TCF20: variants seen among roughly 807,000 people sequenced by gnomAD.
TCF20 encodes the protein SPRE-binding protein.
A neutral mutation model predicts 148.6 loss-of-function variants in TCF20; 3 were observed. That is an observed-to-expected ratio of 0.02 (90% CI 0.01 to 0.05). The LOEUF (loss-of-function observed/expected upper bound fraction) is 0.05, where lower values mean the gene tolerates loss of function less well. Ranked by LOEUF, TCF20 falls within the 10% of genes least tolerant of loss-of-function variation. The pLI is 1.00. For synonymous variants in TCF20, 1,049 were observed against 909.5 expected (o/e 1.15, Z -2.76); for missense variants, 2,350 against 2,429.3 (o/e 0.97, Z 0.69).
intron 1 of TCF20, among the ~76,000 whole-genome samples, chr22:42,249,934 A>G (rs939064760): frequency 2.6e-5 from 4 of 151,984 alleles, no homozygotes; most frequent in Non-Finnish European, 4.4e-5. Context: ...CACAACACTG[A>G]CTTCATGTGT....
At chr22:42,216,517 C>CT (rs1345346351) in intron 1 of TCF20, among the ~76,000 whole-genome samples, 5 of 152,190 alleles carry the variant, frequency 3.3e-5, no homozygotes, top group African/African-American at 1.2e-4. Flanking sequence ...CAGCACCCCT[C>CT]TCTCCACCAC....
At position 42,233,079 on chromosome 22, in the gene TCF20, C is replaced by T. The variant is rs76109644; in HGVS notation, c.-36-17738G>A. Among the ~76,000 whole-genome samples the T allele has an allele frequency of 8.5e-5, 13 of 152,122 alleles. No individual in the cohort carries two copies. The East Asian group carries it at 2.5e-3, about 29-fold the overall frequency. ...GAGATTACAGGCTTGTGCCACAATA[C>T]CCGGCTAATTTTTGTATTTTTAGTA... is the stretch of plus-strand genomic sequence containing the variant. On this transcript the variant is annotated intron_variant, in intron 1 of 5. Transcript: ENST00000677622.
chr22:42,263,322 G>A (rs537187435), intron 1 of TCF20, among the ~76,000 whole-genome samples: 2 of 152,086 alleles, frequency 1.3e-5, no homozygotes, highest in Non-Finnish European at 2.9e-5. Flanking sequence ...TCAGGGAAAC[G>A]CCCAGAGAAG....
intron 2 of TCF20, among the ~76,000 whole-genome samples, chr22:42,189,938 C>T (rs1228171163): frequency 2.6e-5 from 4 of 152,128 alleles, no homozygotes; most frequent in Non-Finnish European, 5.9e-5. Flanking sequence ...AGGAAGTTCT[C>T]GGAGTTTTTC....
At chr22:42,247,080 G>C (rs779573227) in intron 1 of TCF20, among the ~76,000 whole-genome samples, 20 of 151,950 alleles carry the variant, frequency 1.3e-4, no homozygotes, top group Admixed American at 1.3e-3. Flanking sequence ...ATCCAGTTAA[G>C]GGAATGTTAG....
At chr22:42,191,619 C>T (rs1937340103) in intron 2 of TCF20, among the ~76,000 whole-genome samples, 1 of 152,196 alleles carries the variant, frequency 6.6e-6, no homozygotes, top group Non-Finnish European at 1.5e-5. Flanking sequence ...GTTATATATA[C>T]TCCATTAAAA....
At chr22:42,330,039 A>T (rs1322021510) in intron 1 of TCF20, among the ~76,000 whole-genome samples, 2 of 152,154 alleles carry the variant, frequency 1.3e-5, no homozygotes, top group Non-Finnish European at 2.9e-5. Flanking sequence ...CCATCAGGCA[A>T]GAGCTTAAGG....
At chr22:42,190,890 G>C (rs1331498716) in intron 2 of TCF20, among the ~76,000 whole-genome samples, 2 of 152,208 alleles carry the variant, frequency 1.3e-5, no homozygotes, top group Non-Finnish European at 2.9e-5. Context: ...CACATGGTAT[G>C]AACTTCAACT....
chr22:42,295,335 G>A (rs1030129092), intron 1 of TCF20, among the ~76,000 whole-genome samples: 4 of 151,926 alleles, frequency 2.6e-5, no homozygotes, highest in East Asian at 1.9e-4. Flanking sequence ...ACTCCCCACC[G>A]CTGGGCTGCC....
intron 1 of TCF20, among the ~76,000 whole-genome samples, chr22:42,219,774 T>C (rs921454893): frequency 3.9e-5 from 6 of 152,094 alleles, no homozygotes; most frequent in Non-Finnish European, 8.8e-5. Context: ...GAGGATCGCC[T>C]GAGCCTCGGA....
At chr22:42,203,396 G>GA (rs531331470) in intron 2 of TCF20, among the ~76,000 whole-genome samples, 8 of 150,460 alleles carry the variant, frequency 5.3e-5, no homozygotes, top group African/African-American at 9.7e-5. Context: ...CCTCTAGAGA[G>GA]AAAAAAAAAG....
intron 3 of TCF20, among the ~76,000 whole-genome samples, chr22:42,178,954 A>G (rs1300985889): frequency 1.3e-5 from 2 of 152,052 alleles, no homozygotes; most frequent in South Asian, 2.1e-4. Context: ...CACAAGAAAA[A>G]AATGCTCGAC....
chr22:42,274,959 T>C (rs134882), upstream of TCF20: 53,727 of 152,200 alleles, frequency 0.35, 11,207 homozygotes, highest in South Asian at 0.47. Context: ...TCTAATGAGT[T>C]TGGTACTGTT....
At chr22:42,229,958 G>A (rs1273099124) in intron 1 of TCF20, among the ~76,000 whole-genome samples, 1 of 152,188 alleles carries the variant, frequency 6.6e-6, no homozygotes, top group Non-Finnish European at 1.5e-5. Flanking sequence ...TCCTCAAACA[G>A]CAGCCAAGCA....
chr22:42,240,438 G>A (rs1351195136), intron 1 of TCF20, among the ~76,000 whole-genome samples: 3 of 152,154 alleles, frequency 2.0e-5, no homozygotes, highest in Non-Finnish European at 2.9e-5. Flanking sequence ...AATAACATGA[G>A]TCCATGAAAA....
At chr22:42,232,524 T>C (rs923701048) in intron 1 of TCF20, among the ~76,000 whole-genome samples, 1 of 152,144 alleles carries the variant, frequency 6.6e-6, no homozygotes, top group African/African-American at 2.4e-5. Context: ...GGCATAGTCA[T>C]CTTTCAGCAA....
At chr22:42,205,359 A>G (rs1938316580) in intron 2 of TCF20, among the ~76,000 whole-genome samples, 1 of 150,048 alleles carries the variant, frequency 6.7e-6, no homozygotes, top group African/African-American at 2.5e-5. Flanking sequence ...AGTTTTCGGC[A>G]ATTTTCAGAG....
chr22:42,179,522 GA>G (rs1328873526), intron 3 of TCF20, 86 bp downstream of exon 3: 6 of 587,310 alleles, frequency 1.0e-5, no homozygotes, highest in Non-Finnish European at 1.6e-5. Flanking sequence ...GAAAAGAAAA[GA>G]AAAAAAACAA....
rs1028984407 is a variant in TCF20, at chr22:42,232,818, A to AAC, written c.-36-17478_-36-17477insGT. 6.3e-4 allele frequency among the ~76,000 whole-genome samples: 96 copies of AAC among 152,112 alleles called. 2 individuals carry two copies. In the South Asian group the frequency reaches 9.8e-3, roughly 15 times the overall value. On this transcript the variant is annotated intron_variant, in intron 1 of 5. Transcript: ENST00000677622. Reference sequence around the variant, plus strand: ...CGTCTCCAAAAAGAAAAAAAAAAAAAAAAACTAGTTTGACCAACATGCTAA... The same window carrying AAC: ...CGTCTCCAAAAAGAAAAAAAAAAAAAACAAAACTAGTTTGACCAACATGCTAA...
Sources: gnomAD v4.1 joint callset for allele counts (sites outside exome capture counted in the v4.1 genomes callset) on GRCh38, gnomAD v4.1.1 for gene constraint, MANE v1.5 for transcripts, NCBI Gene and HGNC (gene_info 2026-07-23, HGNC 2026-07-21) for gene names.